Variants in CFAP251 observed in about 807,000 individuals in gnomAD.
The protein encoded by CFAP251 is cilia- and flagella-associated protein 251.
In CFAP251, 93 loss-of-function variants were observed where a neutral mutation model predicts 126.7. The ratio of observed to expected loss-of-function variants is 0.73; its 90% CI spans 0.62 to 0.87. The LOEUF (loss-of-function observed/expected upper bound fraction) is 0.87. Among genes scored for constraint, CFAP251 ranks in the 40% least tolerant of loss-of-function variants. The pLI is 0.00. For missense variants in CFAP251, 1,287 were observed against 1,389.2 expected (o/e 0.93, Z 1.17); for synonymous variants, 503 against 506.9 (o/e 0.99, Z 0.10).
intron 19 of CFAP251, among the ~76,000 whole-genome samples, chr12:121,993,525 C>T (rs1882932111): frequency 2.1e-5 from 3 of 144,250 alleles, no homozygotes; most frequent in East Asian, 2.2e-4. Flanking sequence ...AAGTGAGGAG[C>T]GCCTCTTCCC....
chr12:121,963,746 AT>A (rs1012698294), intron 15 of CFAP251, among the ~76,000 whole-genome samples: 2 of 149,980 alleles, frequency 1.3e-5, no homozygotes, highest in Non-Finnish European at 3.0e-5. Context: ...CCTGCTAACT[AT>A]TCTCCCACCG....
chr12:121,978,566 A>G (rs2135802300), intron 19 of CFAP251, among the ~76,000 whole-genome samples: 1 of 152,100 alleles, frequency 6.6e-6, no homozygotes, highest in South Asian at 2.1e-4. Context: ...CATTTTATAT[A>G]TGGACATAGA....
chr12:121,985,212 A>C (rs555058741), intron 19 of CFAP251, among the ~76,000 whole-genome samples: 1 of 152,282 alleles, frequency 6.6e-6, no homozygotes, highest in South Asian at 2.1e-4. Flanking sequence ...AAATGTATAT[A>C]TCTTTTGACT....
chr12:121,971,771 T>A, intron 17 of CFAP251: 1 of 596,932 alleles, frequency 1.7e-6, no homozygotes, highest in Middle Eastern at 3.0e-4. Flanking sequence ...GGTTTGGCTC[T>A]GTGTTCCTAC....
chr12:121,966,978 A>G lies in CFAP251; in HGVS notation c.2516A>G (p.Tyr839Cys), dbSNP rs775608935. Residue 839 changes from tyrosine (Y) to cysteine (C), a missense_variant, in exon 16 of 22, where the codon TAT becomes TGT. Tyr to Cys is a radical substitution (Grantham distance 194). Transcript: ENST00000288912. ...AGAAAGACGCTTCTGGGGCCAGCTTATGGTTCCCCTATTGAGCAGACACAA... is the reference window on the plus strand; with the variant it reads ...AGAAAGACGCTTCTGGGGCCAGCTTGTGGTTCCCCTATTGAGCAGACACAA... ...MCRKTLLGPAYGSPIEQTQVL... is the reference protein window; with the variant it reads ...MCRKTLLGPACGSPIEQTQVL... 8.7e-6 allele frequency: 14 copies of G among 1,614,054 alleles called. No individual in the cohort carries two copies. Among genetic ancestry groups the G allele is most frequent in the African/African-American group, 2.7e-5 (2 of 74,924 alleles).
chr12:121,983,235 C>CA (rs1215426639), intron 19 of CFAP251, among the ~76,000 whole-genome samples: 5 of 149,934 alleles, frequency 3.3e-5, no homozygotes, highest in East Asian at 3.9e-4. Flanking sequence ...GGCCCTGTCT[C>CA]AAAAAAAAAT....
intron 5 of CFAP251, among the ~76,000 whole-genome samples, chr12:121,939,186 A>G (rs1881008377): frequency 6.6e-6 from 1 of 152,226 alleles, no homozygotes; most frequent in South Asian, 2.1e-4. Flanking sequence ...TTCCCAGACA[A>G]ATCTGATTGT....
chr12:121,987,639 C>G (rs913478783), intron 19 of CFAP251, among the ~76,000 whole-genome samples: 1 of 150,148 alleles, frequency 6.7e-6, no homozygotes, highest in African/African-American at 2.5e-5. Context: ...CGCTTGAACC[C>G]GGGAGGCGGA....
chr12:121,998,603 TG>T (rs1233776751), intron 19 of CFAP251: 3 of 149,994 alleles, frequency 2.0e-5, no homozygotes, highest in African/African-American at 7.4e-5. Flanking sequence ...CAGTGTGGAA[TG>T]GAAGTGGTGC....
intron 19 of CFAP251, among the ~76,000 whole-genome samples, chr12:121,978,318 C>T (rs1248321635): frequency 5.9e-5 from 8 of 135,260 alleles, no homozygotes; most frequent in African/African-American, 1.4e-4. Flanking sequence ...GGCGTGAACC[C>T]GGGAGGCGGA....
chr12:122,001,692 C>T, intron 21 of CFAP251, 94 bp downstream of exon 21: 2 of 960,978 alleles, frequency 2.1e-6, no homozygotes, highest in East Asian at 2.5e-5. Flanking sequence ...GTGCAAGCCA[C>T]TCTCCCTAAG....
At chr12:121,939,264 C>G (rs1005251971) in intron 5 of CFAP251, among the ~76,000 whole-genome samples, 1 of 152,120 alleles carries the variant, frequency 6.6e-6, no homozygotes, top group Non-Finnish European at 1.5e-5. Flanking sequence ...ACAGGGGACA[C>G]GCACCCTGCA....
chr12:121,949,106 T>A, intron 8 of CFAP251, 45 bp downstream of exon 8: 1 of 1,298,998 alleles, frequency 7.7e-7, no homozygotes, highest in South Asian at 1.4e-5. Context: ...GGTAGAAGTA[T>A]GTGTTCATTC....
intron 19 of CFAP251, among the ~76,000 whole-genome samples, chr12:121,986,835 T>A (rs1882761144): frequency 6.6e-6 from 1 of 151,894 alleles, no homozygotes; most frequent in Admixed American, 6.6e-5. Context: ...TTCAGTGGCA[T>A]CTGCCCTCCT....
At chr12:121,969,031 A>G in intron 17 of CFAP251, 2 of 984,582 alleles carry the variant, frequency 2.0e-6, no homozygotes, top group Non-Finnish European at 2.4e-6. Flanking sequence ...CACTTCTCCA[A>G]GCCCCTGCGC....
At chr12:121,931,540 C>T (rs11043247) in intron 3 of CFAP251, among the ~76,000 whole-genome samples, 31,572 of 152,050 alleles carry the variant, frequency 0.21, 6,962 homozygotes, top group African/African-American at 0.55. Flanking sequence ...CTCGAACTCC[C>T]GACTTCAGGT....
In CFAP251 at chr12:121,975,594, CA is replaced by C; in HGVS notation, c.2917del (p.Met973TrpfsTer19). 1 of 1,604,682 alleles carries C rather than the reference CA, an allele frequency of 6.2e-7. No homozygotes were observed. Among genetic ancestry groups the C allele is most frequent in the Non-Finnish European group, 8.5e-7 (1 of 1,177,792 alleles). ...YSQLRSQGID[T>X]METRKVSEHI... ...CAGCTCCGCAGTCAAGGCATCGACA[CA>C]ATGGAGACCAGAAAGGTGTCAGAAC... On this transcript the variant is annotated frameshift_variant, in exon 19 of 22. Coordinates refer to ENST00000288912, the MANE Select transcript of CFAP251 (RefSeq NM_144668.6). LOFTEE classifies it high-confidence loss of function.
At chr12:121,945,497 C>G (rs573326138) in intron 7 of CFAP251, among the ~76,000 whole-genome samples, 2 of 151,682 alleles carry the variant, frequency 1.3e-5, no homozygotes, top group East Asian at 3.9e-4. Context: ...GCACGTGCCA[C>G]CATGCCTGGC....
chr12:121,949,067 C>G lies in CFAP251; in HGVS notation c.1269+6C>G. The G allele has an allele frequency of 6.4e-7, 1 of 1,554,462 alleles. No homozygotes were observed. Among genetic ancestry groups the G allele is most frequent in the Non-Finnish European group, 8.7e-7 (1 of 1,145,670 alleles). On this transcript the variant is annotated splice_donor_region_variant and intron_variant, in intron 8 of 21. Transcript: ENST00000288912. ...GGGCAATATATTATGCATGGGTAAG[C>G]AGAAATATTTTGATTTGTTTTAAAT...
Sources: allele counts gnomAD v4.1 joint callset (sites outside exome capture counted in the v4.1 genomes callset), GRCh38; gene constraint gnomAD v4.1.1; transcripts MANE v1.5; gene names NCBI Gene and HGNC (gene_info 2026-07-23, HGNC 2026-07-21).